Variants in CFDP1 observed in about 807,000 individuals in gnomAD.
CFDP1 encodes chromatin remodeling protein CFDP1, also known as heterochromatin-stabilizing protein CFDP1.
A neutral mutation model predicts 40.1 loss-of-function variants in CFDP1; 31 were observed. That is an observed-to-expected ratio of 0.77 (90% CI 0.58 to 1.04). The LOEUF (loss-of-function observed/expected upper bound fraction) is 1.04. Ranked by LOEUF, CFDP1 falls within the 50% of genes least tolerant of loss-of-function variation. The pLI is 0.00. For synonymous variants in CFDP1, 167 were observed against 120.0 expected, an observed-to-expected ratio of 1.39 and a Z score of -2.56; for missense variants, 423 against 343.4, an observed-to-expected ratio of 1.23 and a Z score of -1.83.
In CFDP1 at chr16:75,412,768, G is replaced by A; in HGVS notation, c.183-14C>T. On this transcript the variant is annotated splice_polypyrimidine_tract_variant and intron_variant, in intron 2 of 6. Transcript: ENST00000283882. ...TGTCTTCTCTTCCTAATCACCAGCA[G>A]TCACAGGAAAAAGGAAAGACAGCAC... is the stretch of plus-strand genomic sequence containing the variant. 1.2e-6 allele frequency: 2 copies of A among 1,603,166 alleles called. No homozygotes were observed. The highest frequency in any genetic ancestry group is 1.3e-5 in the African/African-American group (1 of 74,732).
intron 5 of CFDP1, among the ~76,000 whole-genome samples, chr16:75,330,280 A>G (rs2078436259): frequency 6.6e-6 from 1 of 152,186 alleles, no homozygotes; most frequent in Non-Finnish European, 1.5e-5. Context: ...AGACAGCCTG[A>G]GGCTAGTTTT....
intron 1 of CFDP1, among the ~76,000 whole-genome samples, chr16:75,430,694 C>T (rs1008590180): frequency 3.9e-5 from 6 of 152,146 alleles, no homozygotes; most frequent in Non-Finnish European, 8.8e-5. Flanking sequence ...GAACTCCTGA[C>T]CTCAAATGAT....
chr16:75,294,685 C>A (rs1486038546), intron 6 of CFDP1, among the ~76,000 whole-genome samples: 1 of 152,070 alleles, frequency 6.6e-6, no homozygotes, highest in Non-Finnish European at 1.5e-5. Context: ...ATCCTCCACC[C>A]TGTTTGCGTC....
At chr16:75,337,647 A>G (rs368430416) in intron 5 of CFDP1, among the ~76,000 whole-genome samples, 1 of 152,302 alleles carries the variant, frequency 6.6e-6, no homozygotes, top group South Asian at 2.1e-4. Flanking sequence ...AGGGGAGGCA[A>G]GCACGTCTTA....
rs778624198 is a variant in CFDP1, at chr16:75,414,614, TG to T, written c.145del (p.Gln49LysfsTer22). The part of the protein sequence containing the change: ...VDGEEQTQKT[Q>X]GKKRKAQSIP... ...GCTCTGGGCCTTTCTTTTTTTCCCTTGGGTTTTCTGTGTCTGCTCTTCACCA... is the reference window on the plus strand; with the variant it reads ...GCTCTGGGCCTTTCTTTTTTTCCCTTGGTTTTCTGTGTCTGCTCTTCACCA... On this transcript the variant is annotated frameshift_variant, in exon 2 of 7. Transcript: ENST00000283882. LOFTEE classifies it high-confidence loss of function. 6 of 1,613,994 alleles carry T rather than the reference TG, an allele frequency of 3.7e-6. No homozygotes were observed. Among genetic ancestry groups the T allele is most frequent in the Non-Finnish European group, 5.1e-6 (6 of 1,179,876 alleles).
At chr16:75,394,817 C>T (rs1027779980) in intron 5 of CFDP1, 3 of 270,312 alleles carry the variant, frequency 1.1e-5, no homozygotes, top group Non-Finnish European at 1.4e-5. Flanking sequence ...TGCAAGCCAC[C>T]ATGCCCAGCT....
At chr16:75,432,267 G>A (rs2079429693) in intron 1 of CFDP1, among the ~76,000 whole-genome samples, 1 of 148,472 alleles carries the variant, frequency 6.7e-6, no homozygotes, top group Non-Finnish European at 1.5e-5. Flanking sequence ...GGGGCGCGGT[G>A]GCTCATGCCT....
Position 75,393,640 on chromosome 16 carries a change from A to G in CFDP1, c.650+1450T>C, listed in dbSNP as rs2078970812. On this transcript the variant is annotated intron_variant, in intron 5 of 6. Transcript: ENST00000283882. ...CAGCTACTCGGGAGGCTGAGGCAGG[A>G]GAAGGGCGTGAACCCGGGAAGCGGA... Among the ~76,000 whole-genome samples, 3 of 148,254 alleles carry G rather than the reference A, an allele frequency of 2.0e-5. No homozygotes were observed. The Admixed American group carries it at 2.0e-4, about 10-fold the overall frequency.
chr16:75,357,932 G>A (rs1024071271), intron 5 of CFDP1, among the ~76,000 whole-genome samples: 16 of 152,248 alleles, frequency 1.1e-4, no homozygotes, highest in African/African-American at 3.1e-4. Flanking sequence ...TCTAGCTTTT[G>A]ATTTAAAGTG....
At chr16:75,341,903 C>A (rs1368434348) in intron 5 of CFDP1, among the ~76,000 whole-genome samples, 1 of 152,156 alleles carries the variant, frequency 6.6e-6, no homozygotes, top group Admixed American at 6.5e-5. Context: ...CTAGGTCTTT[C>A]GACTCTGTTC....
intron 5 of CFDP1, among the ~76,000 whole-genome samples, chr16:75,380,729 T>C (rs1450505934): frequency 6.6e-6 from 1 of 152,168 alleles, no homozygotes; most frequent in Non-Finnish European, 1.5e-5. Context: ...AATATCTGAA[T>C]GTTCCAGGCA....
chr16:75,326,871 A>G (rs899567966), intron 5 of CFDP1, among the ~76,000 whole-genome samples: 4 of 152,216 alleles, frequency 2.6e-5, no homozygotes, highest in African/African-American at 7.2e-5. Context: ...AAAACCACAA[A>G]TAACATGTGA....
intron 5 of CFDP1, among the ~76,000 whole-genome samples, chr16:75,364,560 T>G (rs2078701213): frequency 6.6e-6 from 1 of 152,244 alleles, no homozygotes; most frequent in Non-Finnish European, 1.5e-5. Context: ...GTTATTGCTC[T>G]GACAGCTAAT....
chr16:75,394,138 G>A (rs907937751), intron 5 of CFDP1, among the ~76,000 whole-genome samples: 2 of 152,144 alleles, frequency 1.3e-5, no homozygotes, highest in Non-Finnish European at 2.9e-5. Context: ...GACAATATCT[G>A]ACTGAAGGGC....
intron 4 of CFDP1, 96 bp from the exon 5 acceptor site, chr16:75,395,305 C>T (rs529976625): frequency 5.7e-5 from 73 of 1,288,056 alleles, no homozygotes; most frequent in Non-Finnish European, 7.0e-5. Flanking sequence ...AAGATCCACT[C>T]GGCTTCCAAT....
At chr16:75,314,467 G>A (rs1040655002) in intron 5 of CFDP1, among the ~76,000 whole-genome samples, 1 of 152,234 alleles carries the variant, frequency 6.6e-6, no homozygotes, top group East Asian at 1.9e-4. Flanking sequence ...GAGTCAAGGA[G>A]AAATGGGGAT....
rs191269887 is a variant in CFDP1 at position 75,421,143 on chromosome 16, G to A, written c.65-6448C>T. 1.4e-3 allele frequency among the ~76,000 whole-genome samples: 218 copies of A among 152,284 alleles called. 2 individuals carry two copies. The highest frequency in any genetic ancestry group is 5.0e-3 in the African/African-American group (207 of 41,560). On this transcript the variant is annotated intron_variant, in intron 1 of 6. Transcript: ENST00000283882. ...CACAGAGGTTCCTGCTGTTTGCAGC[G>A]GGGAGGAGCCCGGCCCCTCTTCTTC...
At chr16:75,409,705 T>C (rs551827567) in intron 4 of CFDP1, among the ~76,000 whole-genome samples, 1 of 152,230 alleles carries the variant, frequency 6.6e-6, no homozygotes, top group African/African-American at 2.4e-5. Flanking sequence ...TGTCACAATG[T>C]CTACAAGTAA....
intron 5 of CFDP1, among the ~76,000 whole-genome samples, chr16:75,367,679 G>C (rs966690759): frequency 4.0e-4 from 61 of 151,210 alleles, no homozygotes; most frequent in Admixed American, 1.1e-3. Context: ...TGAAATCCCA[G>C]CTACTCAGGA....
Sources: allele counts gnomAD v4.1 joint callset (sites outside exome capture counted in the v4.1 genomes callset), GRCh38; gene constraint gnomAD v4.1.1; transcripts MANE v1.5; gene names NCBI Gene and HGNC (gene_info 2026-07-23, HGNC 2026-07-21).